CNTN5: variants seen among roughly 807,000 people sequenced by gnomAD.
The protein encoded by CNTN5 is contactin 5, also known as contactin-5.
A neutral mutation model predicts 129.1 loss-of-function variants in CNTN5; 77 were observed. The observed-to-expected ratio is 0.60, with a 90% CI of 0.50 to 0.72. The LOEUF (loss-of-function observed/expected upper bound fraction) is 0.72. Among genes scored for constraint, CNTN5 ranks in the 30% least tolerant of loss-of-function variants. CNTN5 has a pLI of 0.00. For synonymous variants in CNTN5, 509 were observed against 465.6 expected (o/e 1.09, Z -1.20); for missense variants, 1,478 against 1,328.8 (o/e 1.11, Z -1.75).
At chr11:99,040,488 T>C (rs1320791409) in intron 1 of CNTN5, among the ~76,000 whole-genome samples, 1 of 152,162 alleles carries the variant, frequency 6.6e-6, no homozygotes, top group Admixed American at 6.6e-5. Flanking sequence ...TACTAAACTT[T>C]ACAGTTACCA....
intron 3 of CNTN5, among the ~76,000 whole-genome samples, chr11:99,788,707 A>G (rs1031685691): frequency 2.6e-5 from 4 of 151,940 alleles, no homozygotes; most frequent in South Asian, 2.1e-4. Context: ...AACCATCACT[A>G]GGAAATGTAC....
intron 4 of CNTN5, among the ~76,000 whole-genome samples, chr11:99,838,336 A>G (rs1257344704): frequency 1.3e-5 from 2 of 152,106 alleles, no homozygotes; most frequent in Non-Finnish European, 2.9e-5. Flanking sequence ...TCTATCAAGT[A>G]TTTTTATTTT....
chr11:99,326,782 C>T (rs558244616), intron 2 of CNTN5, among the ~76,000 whole-genome samples: 5 of 152,198 alleles, frequency 3.3e-5, no homozygotes, highest in Admixed American at 3.3e-4. Flanking sequence ...GGGGAAGTAT[C>T]TAACAGTGAA....
At chr11:99,507,092 A>G (rs1192151633) in intron 2 of CNTN5, among the ~76,000 whole-genome samples, 3 of 152,100 alleles carry the variant, frequency 2.0e-5, no homozygotes, top group African/African-American at 4.8e-5. Context: ...TACATAATAC[A>G]CAAATAAAAC....
At chr11:99,768,411 A>T (rs2135319498) in intron 3 of CNTN5, among the ~76,000 whole-genome samples, 1 of 152,234 alleles carries the variant, frequency 6.6e-6, no homozygotes, top group South Asian at 2.1e-4. Flanking sequence ...AGTATTTAAC[A>T]ATGGTACAGT....
intron 6 of CNTN5, among the ~76,000 whole-genome samples, chr11:99,863,186 G>T (rs922492140): frequency 7.2e-5 from 11 of 152,088 alleles, no homozygotes; most frequent in African/African-American, 2.7e-4. Flanking sequence ...TACGTGAGTT[G>T]CTCTTTCTTC....
chr11:99,480,494 C>A (rs1056665354), intron 2 of CNTN5, among the ~76,000 whole-genome samples: 9 of 152,130 alleles, frequency 5.9e-5, no homozygotes, highest in African/African-American at 2.2e-4. Flanking sequence ...GACTAAATAT[C>A]TGTAGAACAT....
At chr11:99,744,318 C>CACAA (rs757820784) in intron 3 of CNTN5, among the ~76,000 whole-genome samples, 73 of 151,756 alleles carry the variant, frequency 4.8e-4, no homozygotes, top group Admixed American at 2.3e-3. Context: ...CTCTGGCCCC[C>CACAA]ACAAACAAAC....
At chr11:99,097,943 A>C (rs973711499) in intron 1 of CNTN5, among the ~76,000 whole-genome samples, 1 of 152,144 alleles carries the variant, frequency 6.6e-6, no homozygotes, top group Non-Finnish European at 1.5e-5. Flanking sequence ...TTAAACTAAA[A>C]ACAATTAGGT....
intron 4 of CNTN5, among the ~76,000 whole-genome samples, chr11:99,824,148 A>G: frequency 6.6e-6 from 1 of 151,952 alleles, no homozygotes; most frequent in East Asian, 1.9e-4. Flanking sequence ...TAATTGTATT[A>G]TAAGTATTTT....
chr11:99,875,632 A>G (rs886272618), intron 6 of CNTN5, among the ~76,000 whole-genome samples: 2 of 152,060 alleles, frequency 1.3e-5, no homozygotes, highest in African/African-American at 4.8e-5. Context: ...CTAATCTCTC[A>G]TATTATTTTG....
At chr11:100,084,803 CCT>C (rs1240220246) in intron 13 of CNTN5, among the ~76,000 whole-genome samples, 4 of 151,996 alleles carry the variant, frequency 2.6e-5, no homozygotes, top group Admixed American at 6.6e-5. Flanking sequence ...TGATTTTGTT[CCT>C]CTTTCTTTCC....
At chr11:99,234,266 A>T (rs1278945782) in intron 1 of CNTN5, among the ~76,000 whole-genome samples, 1 of 151,990 alleles carries the variant, frequency 6.6e-6, no homozygotes, top group East Asian at 1.9e-4. Flanking sequence ...TTGGACGGGG[A>T]CGGGGGATGA....
intron 13 of CNTN5, among the ~76,000 whole-genome samples, chr11:100,151,867 T>G (rs959913160): frequency 3.9e-5 from 6 of 152,194 alleles, no homozygotes; most frequent in African/African-American, 1.4e-4. Context: ...TTCCTGTGTA[T>G]AGTATGTCTT....
intron 7 of CNTN5, among the ~76,000 whole-genome samples, chr11:99,926,448 A>G (rs182715242): frequency 2.6e-4 from 39 of 152,312 alleles, no homozygotes; most frequent in Admixed American, 9.8e-4. Context: ...TTAAAGCTAT[A>G]TAAAATGGCA....
intron 16 of CNTN5, among the ~76,000 whole-genome samples, chr11:100,228,462 C>A (rs908518255): frequency 2.0e-5 from 3 of 152,324 alleles, no homozygotes; most frequent in Non-Finnish European, 2.9e-5. Context: ...TTCAATTGAA[C>A]TTCCTTCATC....
intron 18 of CNTN5, among the ~76,000 whole-genome samples, chr11:100,293,628 A>G (rs920868987): frequency 6.6e-6 from 1 of 151,810 alleles, no homozygotes; most frequent in South Asian, 2.1e-4. Flanking sequence ...AGAAACAGGT[A>G]TAATTAGTAT....
At chr11:99,566,359 C>T (rs376690236) in intron 3 of CNTN5, among the ~76,000 whole-genome samples, 32 of 152,272 alleles carry the variant, frequency 2.1e-4, no homozygotes, top group Admixed American at 2.6e-4. Context: ...GAACTGTGAG[C>T]CAATTAAGCC....
intron 2 of CNTN5, among the ~76,000 whole-genome samples, chr11:99,436,629 CT>C (rs1371175508): frequency 6.6e-6 from 1 of 152,152 alleles, no homozygotes; most frequent in Non-Finnish European, 1.5e-5. Context: ...ATCCAAAAAA[CT>C]TTACTATCAC....
Sources: gnomAD v4.1 joint callset for allele counts (sites outside exome capture counted in the v4.1 genomes callset) on GRCh38, gnomAD v4.1.1 for gene constraint, MANE v1.5 for transcripts, NCBI Gene and HGNC (gene_info 2026-07-23, HGNC 2026-07-21) for gene names.